SORCS3: variants seen among roughly 807,000 people sequenced by gnomAD.
The protein encoded by SORCS3 is sortilin related VPS10 domain containing receptor 3.
In SORCS3, 57 loss-of-function variants were observed where a neutral mutation model predicts 146.3. The observed-to-expected ratio is 0.39, with a 90% CI of 0.31 to 0.49. The LOEUF (loss-of-function observed/expected upper bound fraction) is 0.49. SORCS3 is among the 20% of genes least tolerant of loss of function. The probability of loss-of-function intolerance (pLI) is 0.92; values close to 1 mark genes in which losing one functional copy is unlikely to be tolerated. For missense variants in SORCS3, 1,341 were observed against 1,575.5 expected (o/e 0.85, Z 2.52); for synonymous variants, 653 against 618.5 (o/e 1.06, Z -0.83).
chr10:105,070,854 A>C (rs1447810266), intron 5 of SORCS3, among the ~76,000 whole-genome samples: 1 of 152,222 alleles, frequency 6.6e-6, no homozygotes. Context: ...GCAAGTGAAC[A>C]AATTGAAACT....
intron 1 of SORCS3, among the ~76,000 whole-genome samples, chr10:104,659,806 G>A (rs2015677677): frequency 6.6e-6 from 1 of 152,214 alleles, no homozygotes; most frequent in Non-Finnish European, 1.5e-5. Flanking sequence ...AAGAGGTCCT[G>A]GAGATTAGCT....
chr10:105,264,542 A>G lies in SORCS3; in HGVS notation c.*1168A>G, dbSNP rs2056980552. ...TTAAAGAGGTTGGAAGGGAAGAGGC[A>G]TTTGTGGAATTATGAGTTCATGCAA... On this transcript the variant is annotated 3_prime_UTR_variant, in exon 27 of 27. Coordinates refer to ENST00000369701, the MANE Select transcript of SORCS3 (RefSeq NM_014978.3). 6.6e-6 allele frequency: 1 copy of G among 152,574 alleles called. No individual in the cohort carries two copies. The highest frequency in any genetic ancestry group is 2.4e-5 in the African/African-American group (1 of 41,444). The allele number at this position is 152,574 out of a possible 1,614,324, so 9.5% of individuals were successfully genotyped here. A position where few individuals can be genotyped will look rare whatever the true frequency, so the allele number is the denominator to read the frequency against.
At chr10:104,662,256 A>T (rs1232374752) in intron 1 of SORCS3, among the ~76,000 whole-genome samples, 1 of 152,234 alleles carries the variant, frequency 6.6e-6, no homozygotes, top group African/African-American at 2.4e-5. Context: ...ATCAGCTTTT[A>T]TTTCATTTTA....
intron 5 of SORCS3, among the ~76,000 whole-genome samples, chr10:105,050,036 TACAC>T (rs35011679): frequency 6.6e-4 from 99 of 149,292 alleles, no homozygotes; most frequent in Non-Finnish European, 6.7e-4. Flanking sequence ...TATATATACA[TACAC>T]ACACACACAC....
chr10:104,988,899 G>T (rs1386144664), intron 4 of SORCS3, among the ~76,000 whole-genome samples: 3 of 152,118 alleles, frequency 2.0e-5, no homozygotes, highest in Non-Finnish European at 2.9e-5. Context: ...ATCCTAATTA[G>T]TACCAGTCAT....
At chr10:105,236,936 A>G (rs140209853) in intron 20 of SORCS3, among the ~76,000 whole-genome samples, 9 of 152,202 alleles carry the variant, frequency 5.9e-5, no homozygotes, top group African/African-American at 2.2e-4. Flanking sequence ...CAATCAATCT[A>G]TCTATCTATC....
intron 1 of SORCS3, among the ~76,000 whole-genome samples, chr10:104,681,060 G>A (rs965192452): frequency 2.6e-5 from 4 of 152,200 alleles, no homozygotes; most frequent in Non-Finnish European, 5.9e-5. Flanking sequence ...CCGGGAAGAG[G>A]ACCAGCTTGC....
chr10:104,937,891 AC>A (rs1331564323), intron 3 of SORCS3, among the ~76,000 whole-genome samples: 1 of 152,096 alleles, frequency 6.6e-6, no homozygotes, highest in African/African-American at 2.4e-5. Context: ...GTGTGCTTTT[AC>A]CTTTAATTAC....
At chr10:105,200,636 C>T (rs2056569126) in intron 15 of SORCS3, among the ~76,000 whole-genome samples, 1 of 152,192 alleles carries the variant, frequency 6.6e-6, no homozygotes, top group African/African-American at 2.4e-5. Context: ...TTTGTATCAA[C>T]TTCTCCTTTC....
chr10:105,035,464 GTTTT>G (rs58969291), intron 4 of SORCS3, among the ~76,000 whole-genome samples: 1 of 141,160 alleles, frequency 7.1e-6, no homozygotes, highest in South Asian at 2.2e-4. Flanking sequence ...TTCTCACCAA[GTTTT>G]TTTTTTTTTT....
chr10:104,787,145 G>A (rs1452889620), intron 1 of SORCS3, among the ~76,000 whole-genome samples: 2 of 152,162 alleles, frequency 1.3e-5, no homozygotes, highest in Non-Finnish European at 2.9e-5. Flanking sequence ...CTCACCTTGG[G>A]ATTTTAGGAT....
intron 1 of SORCS3, among the ~76,000 whole-genome samples, chr10:104,815,589 C>G (rs2017788495): frequency 6.6e-6 from 1 of 151,634 alleles, no homozygotes; most frequent in African/African-American, 2.4e-5. Flanking sequence ...ATTATTCTAT[C>G]TTGATTGTCA....
chr10:104,940,965 T>C (rs1299683299), intron 3 of SORCS3, among the ~76,000 whole-genome samples: 4 of 152,188 alleles, frequency 2.6e-5, no homozygotes, highest in Non-Finnish European at 5.9e-5. Context: ...GCTGGAGGCA[T>C]CATGCTACCT....
At chr10:105,042,139 A>G (rs1178407116) in intron 4 of SORCS3, among the ~76,000 whole-genome samples, 3 of 152,198 alleles carry the variant, frequency 2.0e-5, no homozygotes, top group African/African-American at 7.2e-5. Context: ...CTGCCCCCTT[A>G]TGACTCATAG....
chr10:105,071,471 A>C (rs1405031577), intron 5 of SORCS3, among the ~76,000 whole-genome samples: 1 of 152,244 alleles, frequency 6.6e-6, no homozygotes, highest in East Asian at 1.9e-4. Flanking sequence ...TACCGTGCTA[A>C]GCACATTGCT....
chr10:104,972,425 T>C (rs1457247106), intron 3 of SORCS3, among the ~76,000 whole-genome samples: 1 of 152,128 alleles, frequency 6.6e-6, no homozygotes, highest in Non-Finnish European at 1.5e-5. Context: ...TCAAGGACCT[T>C]TGGGGCTATA....
chr10:104,944,319 T>A (rs2019348287), intron 3 of SORCS3, among the ~76,000 whole-genome samples: 1 of 152,210 alleles, frequency 6.6e-6, no homozygotes, highest in African/African-American at 2.4e-5. Context: ...AGATTTCTTA[T>A]ATAGGCTTCT....
chr10:105,151,087 G>T (rs957687461), intron 9 of SORCS3, among the ~76,000 whole-genome samples: 5 of 152,102 alleles, frequency 3.3e-5, no homozygotes, highest in Non-Finnish European at 7.4e-5. Flanking sequence ...ACTCTATTAG[G>T]GTAATTATCA....
intron 2 of SORCS3, among the ~76,000 whole-genome samples, chr10:104,912,805 C>T (rs1041034238): frequency 6.6e-6 from 1 of 152,020 alleles, no homozygotes; most frequent in African/African-American, 2.4e-5. Context: ...TGTAGCCAAA[C>T]CAATAGGATA....
Sources: gnomAD v4.1 joint callset for allele counts (sites outside exome capture counted in the v4.1 genomes callset) on GRCh38, gnomAD v4.1.1 for gene constraint, MANE v1.5 for transcripts, NCBI Gene and HGNC (gene_info 2026-07-23, HGNC 2026-07-21) for gene names.